PSME4: variants seen among roughly 807,000 people sequenced by gnomAD.
PSME4 encodes proteasome activator subunit 4.
PSME4 carries 89 observed loss-of-function variants against 253.9 expected under a neutral mutation model. The ratio of observed to expected loss-of-function variants is 0.35; its 90% CI spans 0.30 to 0.42. PSME4 has a LOEUF of 0.42. Ranked by LOEUF, PSME4 falls within the 10% of genes least tolerant of loss-of-function variation. The pLI, the probability that PSME4 is intolerant of heterozygous loss-of-function variation, is 1.00. For synonymous variants in PSME4, 851 were observed against 759.2 expected (o/e 1.12, Z -1.99); for missense variants, 2,014 against 2,195.2 (o/e 0.92, Z 1.65).
At chr2:53,936,666 A>C in intron 6 of PSME4, 98 bp downstream of exon 6, 1 of 813,810 alleles carries the variant, frequency 1.2e-6, no homozygotes, top group Non-Finnish European at 1.9e-6. Context: ...TACTTACCAA[A>C]TGATCTATTA....
At chr2:53,947,805 C>G (rs1386321765) in intron 3 of PSME4, among the ~76,000 whole-genome samples, 1 of 152,162 alleles carries the variant, frequency 6.6e-6, no homozygotes, top group African/African-American at 2.4e-5. Context: ...CACCTGAGGT[C>G]AGGAGTTCGA....
chr2:53,899,956 T>C lies in PSME4; in HGVS notation c.3347A>G (p.Asn1116Ser), dbSNP rs1296230879. The change falls in exon 29 of 47, where the codon AAC becomes AGC. Residue 1116 changes from asparagine to serine, a missense_variant. This residue lies in a region of PSME4 where 989 missense variants were observed against 1,021.1 expected (regional missense o/e 0.97). Transcript: ENST00000404125. ...TTTTTCTGGGCTAAGCAATATCTGG[T>C]TGATAGAGGGGTTTTTTGACTGTTG... is the stretch of plus-strand genomic sequence containing the variant. ...LLQQSKNPSI[N>S]QILLSPEKIK... 6.2e-7 allele frequency: 1 copy of C among 1,613,370 alleles called. No individual in the cohort carries two copies. Among genetic ancestry groups the C allele is most frequent in the Non-Finnish European group, 8.5e-7 (1 of 1,179,346 alleles).
intron 44 of PSME4, among the ~76,000 whole-genome samples, chr2:53,868,156 T>TA (rs1678662802): frequency 1.3e-5 from 2 of 151,862 alleles, no homozygotes; most frequent in African/African-American, 4.8e-5. Context: ...GCTTTATCAT[T>TA]AAAAAAACAG....
chr2:53,927,492 A>G lies in PSME4; in HGVS notation c.1504-9T>C, dbSNP rs1281314286. The stretch of plus-strand genomic sequence containing the variant: ...ATGAACTGGAATGTGATCTGTGGAA[A>G]CATACAAAGGATTTTCAACATTACA... On this transcript the variant is annotated splice_polypyrimidine_tract_variant and intron_variant, in intron 11 of 46. Transcript: ENST00000404125. 3.2e-6 allele frequency: 5 copies of G among 1,544,012 alleles called. No individual in the cohort carries two copies. The African/African-American group carries it at 6.8e-5, about 21-fold the overall frequency.
chr2:53,890,043 G>A, intron 37 of PSME4, 61 bp downstream of exon 37: 1 of 1,254,952 alleles, frequency 8.0e-7, no homozygotes, highest in Non-Finnish European at 1.2e-6. Flanking sequence ...CACACTTTGA[G>A]AGACAGTATC....
chr2:53,893,822 A>G (rs1257144944), intron 34 of PSME4, 23 bp from the exon 35 acceptor site: 3 of 1,565,296 alleles, frequency 1.9e-6, no homozygotes, highest in Non-Finnish European at 2.6e-6. Flanking sequence ...AAAAAGAACA[A>G]TATTCAGCGT....
chr2:53,919,550 AG>A (rs1332400755), intron 19 of PSME4, among the ~76,000 whole-genome samples: 8 of 152,194 alleles, frequency 5.3e-5, no homozygotes, highest in Admixed American at 5.2e-4. Context: ...TAACAAAAAG[AG>A]GAAATAATGC....
chr2:53,892,703 A>G, intron 36 of PSME4, 105 bp downstream of exon 36: 1 of 1,061,310 alleles, frequency 9.4e-7, no homozygotes, highest in Non-Finnish European at 1.3e-6. Context: ...ATATCACTGA[A>G]GATTTCATAT....
At chr2:53,909,999 A>G (rs2056650) in intron 21 of PSME4, 76 bp downstream of exon 21, 62,212 of 1,193,310 alleles carry the variant, frequency 0.052, 3,535 homozygotes, top group East Asian at 0.26. Context: ...ACACTACTTC[A>G]TACTTCATTT....
rs373030949 is a variant in PSME4, at chr2:53,936,462, C to G, written c.760-301G>C. 2.4e-4 allele frequency among the ~76,000 whole-genome samples: 36 copies of G among 152,270 alleles called. 1 individual carries two copies. In the East Asian group the frequency reaches 6.7e-3, roughly 29 times the overall value. On this transcript the variant is annotated intron_variant, in intron 6 of 46. Transcript: ENST00000404125. ...CTGAAAATATCCACTATATGTCCAG[C>G]AGCATGATAGTACAGGTACCAAAGA... is the stretch of plus-strand genomic sequence containing the variant.
At position 53,900,015 on chromosome 2, in the gene PSME4, A is replaced by C. The variant is rs1453490583; in HGVS notation, c.3288T>G (p.Ile1096Met). The C allele has an allele frequency of 6.2e-7, 1 of 1,609,894 alleles. No homozygotes were observed. The highest frequency in any genetic ancestry group is 1.7e-4 in the Middle Eastern group (1 of 6,024). Residue 1096 changes from isoleucine (I) to methionine (M), a missense_variant and splice_region_variant, in exon 29 of 47, where the codon ATT (isoleucine) becomes ATG (methionine). Coordinates refer to ENST00000404125, the MANE Select transcript of PSME4 (RefSeq NM_014614.3). ...CCGCTATTTCAACACATGACTTTGG[A>C]ATCTTGTTAAAAAGAAAAAAGCAGG... Reference protein sequence around the residue: ...QYETIGLDFTIPKSCVEIAEL... With the variant: ...QYETIGLDFTMPKSCVEIAEL...
chr2:53,934,288 T>C (rs1451228745), intron 8 of PSME4, among the ~76,000 whole-genome samples: 1 of 152,222 alleles, frequency 6.6e-6, no homozygotes, highest in Non-Finnish European at 1.5e-5. Flanking sequence ...ATACAAATCC[T>C]GAGTTGTAAT....
Position 53,955,618 on chromosome 2 carries a change from T to A in PSME4, c.243-6335A>T, listed in dbSNP as rs561740472. ...TAACTAAATAAAAATACATAATCAT[T>A]CAAGGAAAAAGAAACAAAACAGGCC... On this transcript the variant is annotated intron_variant, in intron 1 of 46. Coordinates refer to ENST00000404125, the MANE Select transcript of PSME4 (RefSeq NM_014614.3). Among the ~76,000 whole-genome samples the A allele has an allele frequency of 2.6e-5, 4 of 152,046 alleles. No homozygotes were observed. In the South Asian group the frequency reaches 8.3e-4, roughly 32 times the overall value.
intron 3 of PSME4, among the ~76,000 whole-genome samples, chr2:53,947,789 G>A (rs1238288370): frequency 1.3e-5 from 2 of 152,144 alleles, no homozygotes; most frequent in African/African-American, 4.8e-5. Flanking sequence ...GCCAAGGCAG[G>A]CAGATCACCT....
Position 53,892,422 on chromosome 2 carries a change from T to C in PSME4, c.4191+386A>G, listed in dbSNP as rs376642235. Among the ~76,000 whole-genome samples, 5 of 152,112 alleles carry C rather than the reference T, an allele frequency of 3.3e-5. No individual in the cohort carries two copies. In the East Asian group the frequency reaches 9.6e-4, roughly 29 times the overall value. ...CAAGTAATATAAATGATAAGGAGGC[T>C]AAGAGAAAGGACTTAATGAGAAGCT... is the stretch of plus-strand genomic sequence containing the variant. On this transcript the variant is annotated intron_variant, in intron 36 of 46. Transcript: ENST00000404125.
At chr2:53,937,726 A>G (rs1440990667) in intron 4 of PSME4, among the ~76,000 whole-genome samples, 186 bp from the exon 5 acceptor site, 3 of 152,188 alleles carry the variant, frequency 2.0e-5, no homozygotes, top group African/African-American at 4.8e-5. Context: ...AGTTGGGTGC[A>G]GTAGTTCATG....
At position 53,925,744 on chromosome 2, in the gene PSME4, T is replaced by C. The variant is rs1321327307; in HGVS notation, c.1659-55A>G. Reference sequence around the variant, plus strand: ...GCAACTAAAATCTGGTTTGACATTTTTGGTGGTCATCAGGTAACTCTCTAT... The same window carrying C: ...GCAACTAAAATCTGGTTTGACATTTCTGGTGGTCATCAGGTAACTCTCTAT... On this transcript the variant is annotated intron_variant, in intron 13 of 46. Coordinates refer to ENST00000404125, the MANE Select transcript of PSME4 (RefSeq NM_014614.3). 7 of 1,534,772 alleles carry C rather than the reference T, an allele frequency of 4.6e-6. No homozygotes were observed. The African/African-American group carries it at 9.6e-5, about 21-fold the overall frequency.
intron 43 of PSME4, among the ~76,000 whole-genome samples, chr2:53,873,403 A>G (rs1383716355): frequency 6.6e-6 from 1 of 152,170 alleles, no homozygotes; most frequent in Admixed American, 6.5e-5. Context: ...TTCAATACCA[A>G]TAAGTATATA....
Position 53,908,834 on chromosome 2 carries a change from G to C in PSME4, c.2579C>G (p.Ser860Cys), listed in dbSNP as rs371635867. 9.3e-5 allele frequency: 148 copies of C among 1,590,466 alleles called. No homozygotes were observed. The highest frequency in any genetic ancestry group is 1.2e-4 in the Non-Finnish European group (141 of 1,166,412). ...KLYTGLEYDL[S>C]RENHREVIAT... ...AATTACTTCTCGGTGGTTCTCTCGA[G>C]ACAGATCTATTTTGAAAAAATAAAA... Residue 860 changes from serine to cysteine, a missense_variant, in exon 22 of 47, where the codon TCT (serine) becomes TGT (cysteine). Transcript: ENST00000404125.
Sources: allele counts gnomAD v4.1 joint callset (sites outside exome capture counted in the v4.1 genomes callset), GRCh38; gene constraint gnomAD v4.1.1; regional missense constraint gnomAD v4.1.1; transcripts MANE v1.5; gene names NCBI Gene and HGNC (gene_info 2026-07-23, HGNC 2026-07-21).